Variants in EDIL3 observed in about 807,000 individuals in gnomAD.
EDIL3 encodes the protein EGF-like repeat and discoidin I-like domain-containing protein 3.
A neutral mutation model predicts 67.4 loss-of-function variants in EDIL3; 37 were observed. The observed-to-expected ratio is 0.55, with a 90% CI of 0.42 to 0.72. The LOEUF is 0.72. Among genes scored for constraint, EDIL3 ranks in the 30% least tolerant of loss-of-function variants. The pLI is 0.00. For synonymous variants in EDIL3, 195 were observed against 196.3 expected (o/e 0.99, Z 0.05); for missense variants, 527 against 586.3 (o/e 0.90, Z 1.04).
intron 1 of EDIL3, among the ~76,000 whole-genome samples, chr5:84,322,172 G>A (rs1220584839): frequency 2.7e-5 from 4 of 150,876 alleles, no homozygotes; most frequent in Admixed American, 6.6e-5. Flanking sequence ...CAAACTTCAC[G>A]AGATATTCAA....
chr5:84,328,763 A>T (rs1243252274), intron 1 of EDIL3, among the ~76,000 whole-genome samples: 2 of 152,100 alleles, frequency 1.3e-5, no homozygotes, highest in Non-Finnish European at 2.9e-5. Context: ...GTAAAATTCA[A>T]GTAACTGTCA....
chr5:84,172,066 C>T (rs1748822046), intron 4 of EDIL3, among the ~76,000 whole-genome samples: 1 of 152,104 alleles, frequency 6.6e-6, no homozygotes, highest in African/African-American at 2.4e-5. Flanking sequence ...TTCATATGCA[C>T]AGCAAGTGTG....
chr5:84,144,515 T>G (rs774025666), intron 4 of EDIL3, among the ~76,000 whole-genome samples: 4 of 152,122 alleles, frequency 2.6e-5, no homozygotes, highest in Admixed American at 6.6e-5. Flanking sequence ...TAAATTGGTC[T>G]GGCAGACTAG....
intron 8 of EDIL3, among the ~76,000 whole-genome samples, 193 bp downstream of exon 8, chr5:84,064,507 C>A (rs1746598697): frequency 6.6e-6 from 1 of 152,158 alleles, no homozygotes; most frequent in African/African-American, 2.4e-5. Context: ...TAATTCTACC[C>A]TGTAGCATGT....
chr5:84,243,468 G>C (rs912027201), intron 2 of EDIL3, among the ~76,000 whole-genome samples: 1 of 152,192 alleles, frequency 6.6e-6, no homozygotes, highest in African/African-American at 2.4e-5. Context: ...TCTTGTTCTT[G>C]AAAATGTTTG....
chr5:83,985,823 A>C (rs1320010538), intron 9 of EDIL3, among the ~76,000 whole-genome samples: 2 of 151,832 alleles, frequency 1.3e-5, no homozygotes, highest in African/African-American at 4.8e-5. Flanking sequence ...TAAATTCACT[A>C]TTTTTATTTA....
chr5:84,174,007 T>C (rs1167479146), intron 4 of EDIL3, among the ~76,000 whole-genome samples: 1 of 152,042 alleles, frequency 6.6e-6, no homozygotes, highest in African/African-American at 2.4e-5. Context: ...GGGGTGGTGG[T>C]GCACTGCTGG....
intron 1 of EDIL3, among the ~76,000 whole-genome samples, chr5:84,361,869 C>T (rs1481603937): frequency 6.6e-6 from 1 of 151,798 alleles, no homozygotes; most frequent in Non-Finnish European, 1.5e-5. Flanking sequence ...TGTGATAATG[C>T]TTTATATTTT....
At chr5:84,196,862 C>G (rs142335139) in intron 3 of EDIL3, 2 of 151,876 alleles carry the variant, frequency 1.3e-5, no homozygotes, top group Non-Finnish European at 2.9e-5. Flanking sequence ...CAATACCATG[C>G]TTTTTTTCCT....
intron 6 of EDIL3, chr5:84,078,620 A>T (rs1282807856): frequency 1.3e-5 from 2 of 152,162 alleles, no homozygotes; most frequent in African/African-American, 4.8e-5. Flanking sequence ...AAATGGCAAG[A>T]TACCTTACCC....
chr5:84,121,369 A>G (rs764241364), intron 5 of EDIL3, among the ~76,000 whole-genome samples: 40 of 152,036 alleles, frequency 2.6e-4, no homozygotes, highest in Non-Finnish European at 4.3e-4. Context: ...TGCTTAACTC[A>G]TTCTCCTATT....
At chr5:84,141,946 T>TATATATATATATATATAC (rs1303835679) in intron 4 of EDIL3, among the ~76,000 whole-genome samples, 3 of 132,402 alleles carry the variant, frequency 2.3e-5, no homozygotes, top group African/African-American at 8.7e-5. Context: ...TATATATATA[T>TATATATATATATATATAC]ACATAGATCT....
chr5:84,065,101 G>T (rs556814400), intron 7 of EDIL3, among the ~76,000 whole-genome samples: 1 of 152,050 alleles, frequency 6.6e-6, no homozygotes, highest in African/African-American at 2.4e-5. Context: ...CAATTTTAAG[G>T]CCAGTCTTTC....
chr5:84,080,334 A>C (rs1746943190), intron 6 of EDIL3, among the ~76,000 whole-genome samples: 2 of 147,912 alleles, frequency 1.4e-5, no homozygotes, highest in Admixed American at 1.4e-4. Flanking sequence ...AAATATAACT[A>C]GTCCTAGTGG....
chr5:84,027,546 TTTTTA>T lies in EDIL3; in HGVS notation c.1137+32749_1137+32753del, dbSNP rs3043885. Among the ~76,000 whole-genome samples, 1,122 of 146,308 alleles carry T rather than the reference TTTTTA, an allele frequency of 7.7e-3. 17 individuals are homozygous for T. The highest frequency in any genetic ancestry group is 0.026 in the African/African-American group (1,044 of 39,984). ...AGTGCTTTTTATGGGACACCATCCA[TTTTTA>T]TTTTATTTTATTTTATTTTATTTTA... On this transcript the variant is annotated intron_variant, in intron 9 of 10. Coordinates refer to ENST00000296591, the MANE Select transcript of EDIL3 (RefSeq NM_005711.5).
At chr5:84,030,979 G>A (rs1222884713) in intron 9 of EDIL3, among the ~76,000 whole-genome samples, 1 of 152,138 alleles carries the variant, frequency 6.6e-6, no homozygotes, top group Non-Finnish European at 1.5e-5. Flanking sequence ...AGATCAAGGT[G>A]TTGCCAAGGT....
chr5:84,366,082 A>G (rs540714298), intron 1 of EDIL3, among the ~76,000 whole-genome samples: 119 of 152,308 alleles, frequency 7.8e-4, no homozygotes, highest in African/African-American at 2.8e-3. Context: ...GTTATAGCTC[A>G]AAGACTGAAG....
intron 3 of EDIL3, among the ~76,000 whole-genome samples, chr5:84,200,964 GC>G (rs1743819824): frequency 6.6e-6 from 1 of 152,022 alleles, no homozygotes; most frequent in Non-Finnish European, 1.5e-5. Flanking sequence ...TATTTTCATA[GC>G]AATGTAACTA....
At chr5:84,267,943 C>A (rs560136146) in intron 1 of EDIL3, among the ~76,000 whole-genome samples, 22 of 152,218 alleles carry the variant, frequency 1.4e-4, no homozygotes, top group African/African-American at 5.3e-4. Context: ...TCGAGGCCAG[C>A]CTGGGCAACA....
Sources: gnomAD v4.1 joint callset for allele counts (sites outside exome capture counted in the v4.1 genomes callset) on GRCh38, gnomAD v4.1.1 for gene constraint, MANE v1.5 for transcripts, NCBI Gene and HGNC (gene_info 2026-07-23, HGNC 2026-07-21) for gene names.